CTNNA3: variants seen among roughly 807,000 people sequenced by gnomAD.
The protein encoded by CTNNA3 is catenin alpha-3.
Under a neutral mutation model 95.7 loss-of-function variants are expected in CTNNA3, and 76 were observed. The observed-to-expected ratio is 0.79, with a 90% CI of 0.66 to 0.96. CTNNA3 has a LOEUF of 0.96. CTNNA3 is among the 40% of genes least tolerant of loss of function. The pLI, the probability that CTNNA3 is intolerant of heterozygous loss-of-function variation, is 0.00. For synonymous variants in CTNNA3, 431 were observed against 374.4 expected (o/e 1.15, Z -1.74); for missense variants, 1,191 against 1,089.8 (o/e 1.09, Z -1.31).
chr10:66,881,912 CA>C, intron 7 of CTNNA3, among the ~76,000 whole-genome samples: 1 of 152,044 alleles, frequency 6.6e-6, no homozygotes, highest in Non-Finnish European at 1.5e-5. Flanking sequence ...CTTCAAACTG[CA>C]AACTAAATTT....
intron 11 of CTNNA3, among the ~76,000 whole-genome samples, chr10:66,480,615 T>TTTA (rs1589309101): frequency 3.9e-5 from 6 of 151,938 alleles, no homozygotes; most frequent in Non-Finnish European, 5.9e-5. Flanking sequence ...TTATTTATTT[T>TTTA]TTTTTTTGAG....
At chr10:67,668,444 T>A (rs558058397) in intron 1 of CTNNA3, among the ~76,000 whole-genome samples, 1 of 152,278 alleles carries the variant, frequency 6.6e-6, no homozygotes, top group African/African-American at 2.4e-5. Context: ...ACCTGCAAAC[T>A]ATGATAAAGT....
chr10:66,599,376 G>A (rs2605497), intron 10 of CTNNA3, among the ~76,000 whole-genome samples: 6,686 of 152,046 alleles, frequency 0.044, 564 homozygotes, highest in East Asian at 0.26. Flanking sequence ...ATTCGCTTAA[G>A]AGAAAAACCA....
chr10:66,598,163 AT>A (rs964138772), intron 10 of CTNNA3, among the ~76,000 whole-genome samples: 12 of 152,136 alleles, frequency 7.9e-5, no homozygotes, highest in South Asian at 2.1e-4. Context: ...GACAAAAAAA[AT>A]AACATCTCAA....
chr10:67,076,559 C>G (rs1856763096), intron 7 of CTNNA3, among the ~76,000 whole-genome samples: 2 of 152,156 alleles, frequency 1.3e-5, no homozygotes, highest in African/African-American at 2.4e-5. Flanking sequence ...CATAGAGAAG[C>G]CTGACTTTTA....
intron 13 of CTNNA3, among the ~76,000 whole-genome samples, chr10:66,210,641 G>A (rs977439744): frequency 2.0e-5 from 3 of 151,702 alleles, no homozygotes; most frequent in South Asian, 2.1e-4. Context: ...TTATGTTAAC[G>A]TACCACTTAA....
At position 67,146,100 on chromosome 10, in the gene CTNNA3, C is replaced by A. The variant is rs376632850; in HGVS notation, c.1047+34217G>T. On this transcript the variant is annotated intron_variant, in intron 7 of 17. Coordinates refer to ENST00000433211, the MANE Select transcript of CTNNA3 (RefSeq NM_013266.4). ...CCAACACCTCTACCCCAGCACCCCT[C>A]CACACACACACACTCATCAGATACT... Among the ~76,000 whole-genome samples, 3 of 151,928 alleles carry A rather than the reference C, an allele frequency of 2.0e-5. No individual in the cohort carries two copies. The East Asian group carries it at 5.8e-4, about 29-fold the overall frequency.
chr10:66,503,508 A>G (rs1399863067), intron 11 of CTNNA3, among the ~76,000 whole-genome samples: 1 of 151,658 alleles, frequency 6.6e-6, no homozygotes. Context: ...TTGCTCTGTC[A>G]CCCAGGCTGG....
At chr10:65,959,510 C>T (rs545072208) in intron 17 of CTNNA3, among the ~76,000 whole-genome samples, 1 of 152,236 alleles carries the variant, frequency 6.6e-6, no homozygotes, top group East Asian at 1.9e-4. Flanking sequence ...TCTATTTGGC[C>T]ATCTTGGAAC....
chr10:66,397,470 T>C (rs1362493545), intron 11 of CTNNA3, among the ~76,000 whole-genome samples: 3 of 151,850 alleles, frequency 2.0e-5, no homozygotes, highest in Admixed American at 6.6e-5. Context: ...AAACTAATAT[T>C]TTCTATTTAA....
chr10:66,817,430 C>T (rs7095065), intron 7 of CTNNA3, among the ~76,000 whole-genome samples: 73,646 of 151,542 alleles, frequency 0.49, 18,318 homozygotes, highest in African/African-American at 0.59. Flanking sequence ...GACTGGCCAA[C>T]AACAAAAAAG....
intron 7 of CTNNA3, among the ~76,000 whole-genome samples, chr10:66,885,109 A>T (rs146819786): frequency 7.4e-4 from 113 of 152,260 alleles, no homozygotes; most frequent in African/African-American, 2.6e-3. Flanking sequence ...TGGCAAGATG[A>T]GACTACTGTA....
intron 9 of CTNNA3, among the ~76,000 whole-genome samples, chr10:66,754,477 C>T (rs1839286936): frequency 1.3e-5 from 2 of 152,108 alleles, no homozygotes; most frequent in South Asian, 4.2e-4. Context: ...ATAAATGAAA[C>T]CAAATGCACA....
chr10:67,709,573 C>T (rs989984107), intron 1 of CTNNA3, among the ~76,000 whole-genome samples: 2 of 152,090 alleles, frequency 1.3e-5, no homozygotes, highest in African/African-American at 4.8e-5. Context: ...CATAAACACC[C>T]CTGCTAAGTC....
At chr10:66,867,356 C>T (rs1352631904) in intron 7 of CTNNA3, among the ~76,000 whole-genome samples, 2 of 152,078 alleles carry the variant, frequency 1.3e-5, no homozygotes, top group African/African-American at 2.4e-5. Flanking sequence ...TTGAATAATT[C>T]ACAGAAAGTT....
In CTNNA3 at chr10:65,973,874, C is replaced by A. The variant is rs1242978181; in HGVS notation, c.2266-7128G>T. ...ACCTCCCACCAGGCCCCACCTCCAA[C>A]ATTGGGGATTGCATTTCAACATGAG... On this transcript the variant is annotated intron_variant, in intron 16 of 17. Transcript: ENST00000433211. Among the ~76,000 whole-genome samples, 3 of 152,140 alleles carry A rather than the reference C, an allele frequency of 2.0e-5. No homozygotes were observed. The East Asian group carries it at 5.8e-4, about 29-fold the overall frequency.
At chr10:67,594,187 G>A (rs1842867278) in intron 3 of CTNNA3, among the ~76,000 whole-genome samples, 1 of 152,128 alleles carries the variant, frequency 6.6e-6, no homozygotes, top group South Asian at 2.1e-4. Context: ...TTGCATCTAT[G>A]TTCATGAGGT....
intron 11 of CTNNA3, among the ~76,000 whole-genome samples, chr10:66,484,378 G>A (rs1839651723): frequency 6.6e-6 from 1 of 151,780 alleles, no homozygotes. Flanking sequence ...GAGGATAAGT[G>A]AATGCATTGG....
intron 13 of CTNNA3, among the ~76,000 whole-genome samples, chr10:66,245,775 C>T (rs535408619): frequency 2.0e-5 from 3 of 152,200 alleles, no homozygotes; most frequent in Non-Finnish European, 2.9e-5. Context: ...GTTTCTGAAG[C>T]TCTCAGCAAA....
Sources: allele counts gnomAD v4.1 joint callset (sites outside exome capture counted in the v4.1 genomes callset), GRCh38; gene constraint gnomAD v4.1.1; transcripts MANE v1.5; gene names NCBI Gene and HGNC (gene_info 2026-07-23, HGNC 2026-07-21).